The following NUP205 variants were observed in gnomAD, a reference collection of about 807,000 sequenced individuals.
NUP205 encodes nucleoporin 205.
NUP205 carries 76 observed loss-of-function variants against 253.8 expected under a neutral mutation model. That is an observed-to-expected ratio of 0.30 (90% CI 0.25 to 0.36). The LOEUF is 0.36. NUP205 is among the 10% of genes least tolerant of loss of function. The pLI is 1.00. For synonymous variants in NUP205, 832 were observed against 850.1 expected (o/e 0.98, Z 0.37); for missense variants, 2,162 against 2,425.5 (o/e 0.89, Z 2.28).
intron 1 of NUP205, among the ~76,000 whole-genome samples, chr7:135,570,636 A>C (rs935862724): frequency 1.5e-4 from 21 of 137,238 alleles, no homozygotes; most frequent in African/African-American, 5.7e-4. Context: ...ATTGATATTT[A>C]TATAATTAGC....
chr7:135,576,904 CTAT>C (rs1165116730), intron 4 of NUP205, 62 bp from the exon 5 acceptor site: 25 of 1,479,656 alleles, frequency 1.7e-5, no homozygotes, highest in African/African-American at 2.8e-5. Flanking sequence ...TTTGCTATAC[CTAT>C]TATTATGAAG....
At chr7:135,644,141 C>T (rs1032745855) in intron 39 of NUP205, among the ~76,000 whole-genome samples, 2 of 152,210 alleles carry the variant, frequency 1.3e-5, no homozygotes, top group African/African-American at 4.8e-5. Flanking sequence ...GATATTGTTT[C>T]TATTCTCATT....
intron 6 of NUP205, among the ~76,000 whole-genome samples, chr7:135,578,331 A>G (rs1362624540): frequency 1.3e-5 from 2 of 152,186 alleles, no homozygotes; most frequent in African/African-American, 4.8e-5. Flanking sequence ...TACATTTTCA[A>G]ACTTTTTATT....
In NUP205 at chr7:135,622,745, T is replaced by C. The variant is rs980792180; in HGVS notation, c.4331-32T>C. ...ACTCAGTTATTACACTGCTTTTTAC[T>C]GGAGTGTTTTTTTCTGTTTTAATCC... On this transcript the variant is annotated intron_variant, in intron 30 of 42. Transcript: ENST00000285968. 4 of 1,607,018 alleles carry C rather than the reference T, an allele frequency of 2.5e-6. No homozygotes were observed. The African/African-American group carries it at 5.4e-5, about 22-fold the overall frequency.
At chr7:135,607,444 T>A in intron 22 of NUP205, 73 bp downstream of exon 22, 9 of 1,519,516 alleles carry the variant, frequency 5.9e-6, no homozygotes, top group South Asian at 1.2e-5. Context: ...GCCACAGATA[T>A]GACAGTATAA....
chr7:135,628,454 A>G (rs1217841198), intron 34 of NUP205, among the ~76,000 whole-genome samples: 2 of 152,202 alleles, frequency 1.3e-5, no homozygotes, highest in South Asian at 2.1e-4. Flanking sequence ...GGGCTATGCT[A>G]GGCCTTGCAG....
chr7:135,577,327 GATAC>G (rs1291353044), intron 5 of NUP205, among the ~76,000 whole-genome samples, 199 bp downstream of exon 5: 1 of 151,778 alleles, frequency 6.6e-6, no homozygotes, highest in Admixed American at 6.6e-5. Context: ...GTGGTATTTT[GATAC>G]ATATGTATGA....
At chr7:135,593,261 A>G in intron 12 of NUP205, 69 bp downstream of exon 12, 2 of 1,326,894 alleles carry the variant, frequency 1.5e-6, no homozygotes. Flanking sequence ...AGCCCCAAAC[A>G]TTTTCTTTTA....
At position 135,626,297 on chromosome 7, in the gene NUP205, G is replaced by A; in HGVS notation, c.4729G>A (p.Gly1577Arg). The change falls in exon 33 of 43, where the codon GGG becomes AGG. Residue 1577 changes from glycine to arginine, a missense_variant. Transcript: ENST00000285968. ...QQGALELLRS[G>R]VIVRLAQCQV... ...GGGTGCATTAGAGCTGCTAAGATCA[G>A]GGGTGATTGTGAGACTAGCTCAATG... The A allele has an allele frequency of 6.2e-7, 1 of 1,614,152 alleles. No homozygotes were observed. Among genetic ancestry groups the A allele is most frequent in the Non-Finnish European group, 8.5e-7 (1 of 1,180,008 alleles).
intron 17 of NUP205, among the ~76,000 whole-genome samples, chr7:135,601,876 A>T (rs1017312230): frequency 6.6e-6 from 1 of 152,236 alleles, no homozygotes; most frequent in Non-Finnish European, 1.5e-5. Flanking sequence ...AATAAATTTT[A>T]CTTGTTATTA....
Position 135,637,972 on chromosome 7 carries a change from C to T in NUP205, c.5178C>T (p.Asp1726=). 1 of 1,613,972 alleles carries T rather than the reference C, an allele frequency of 6.2e-7. No individual in the cohort carries two copies. Among genetic ancestry groups the T allele is most frequent in the Non-Finnish European group, 8.5e-7 (1 of 1,179,888 alleles). The part of the protein sequence containing the change: ...LGLLSRFGGS[D]RLRQFKFQDD... ...TACTAAGTCGCTTTGGTGGCTCTGACAGACTGCGTCAGTTTAAATTTCAAG... is the reference window on the plus strand; with the variant it reads ...TACTAAGTCGCTTTGGTGGCTCTGATAGACTGCGTCAGTTTAAATTTCAAG... Residue 1726 remains aspartate (D), a synonymous_variant, in exon 37 of 43, where the codon GAC becomes GAT. Coordinates refer to ENST00000285968, the MANE Select transcript of NUP205 (RefSeq NM_015135.3).
At chr7:135,592,542 C>T (rs1380010537) in intron 11 of NUP205, among the ~76,000 whole-genome samples, 1 of 152,156 alleles carries the variant, frequency 6.6e-6, no homozygotes, top group African/African-American at 2.4e-5. Context: ...TTCAGCACAC[C>T]GCTTATGCAG....
intron 16 of NUP205, 79 bp from the exon 17 acceptor site, chr7:135,601,291 C>T (rs1017420988): frequency 7.8e-7 from 1 of 1,286,896 alleles, no homozygotes; most frequent in Non-Finnish European, 1.1e-6. Flanking sequence ...ATTTACAAGT[C>T]TCATACATTT....
chr7:135,632,560 T>C (rs1442144159), intron 35 of NUP205, among the ~76,000 whole-genome samples: 6 of 139,466 alleles, frequency 4.3e-5, no homozygotes, highest in Non-Finnish European at 7.9e-5. Flanking sequence ...CTGAGCCCTC[T>C]GGGTTGAGAG....
Position 135,594,557 on chromosome 7 carries a change from C to A in NUP205, c.1841C>A (p.Ala614Asp). 1 of 1,579,212 alleles carries A rather than the reference C, an allele frequency of 6.3e-7. No homozygotes were observed. The highest frequency in any genetic ancestry group is 8.6e-7 in the Non-Finnish European group (1 of 1,167,920). The change falls in exon 13 of 43, where the codon GCT (alanine) becomes GAT (aspartate). Residue 614 changes from alanine to aspartate, a missense_variant. Coordinates refer to ENST00000285968, the MANE Select transcript of NUP205 (RefSeq NM_015135.3). ...TSTIITWSEN[A>D]RLALCEHPQW... ...TGTGTCAATTCTTAGAGTGAAAATG[C>A]TCGCTTGGCACTCTGTGAACACCCT...
chr7:135,610,006 T>C (rs1794189831), intron 22 of NUP205, among the ~76,000 whole-genome samples: 1 of 152,188 alleles, frequency 6.6e-6, no homozygotes. Context: ...CTGGAGAGCA[T>C]GTGCCTTCCT....
In NUP205 at chr7:135,587,591, A is replaced by G. The variant is rs747106524; in HGVS notation, c.1235A>G (p.Asn412Ser). ...LMPMKVKQLR[N>S]RADEDARMIH... ...ATTTAATAGGTGAAACAGCTGAGGA[A>G]TCGGGCAGATGAAGATGCTCGAATG... The change falls in exon 9 of 43, where the codon AAT becomes AGT. Residue 412 changes from asparagine to serine, a missense_variant. This residue lies in a region of NUP205 where 892 missense variants were observed against 957.1 expected (regional missense o/e 0.93). Coordinates refer to ENST00000285968, the MANE Select transcript of NUP205 (RefSeq NM_015135.3). 11 of 1,601,254 alleles carry G rather than the reference A, an allele frequency of 6.9e-6. No individual in the cohort carries two copies. Among genetic ancestry groups the G allele is most frequent in the Non-Finnish European group, 7.7e-6 (9 of 1,174,040 alleles).
rs557849032 is a variant in NUP205, at chr7:135,617,268, C to G, written c.3690+21C>G. The G allele has an allele frequency of 1.4e-5, 23 of 1,607,768 alleles. No homozygotes were observed. The South Asian group carries it at 2.3e-4, about 16-fold the overall frequency. On this transcript the variant is annotated intron_variant, in intron 26 of 42. Transcript: ENST00000285968. ...TCAAGGTGAGGATTGCTTTAAAGTA[C>G]ATATCTGCAGTGTCAAGTGGCTCAG...
chr7:135,607,498 G>C, intron 22 of NUP205, 127 bp downstream of exon 22: 1 of 1,035,650 alleles, frequency 9.7e-7, no homozygotes, highest in South Asian at 1.9e-5. Flanking sequence ...AATTTGACCT[G>C]TCTTTCATTT....
Sources: gnomAD v4.1 joint callset for allele counts (sites outside exome capture counted in the v4.1 genomes callset) on GRCh38, gnomAD v4.1.1 for gene constraint, gnomAD v4.1.1 regional missense constraint, MANE v1.5 for transcripts, NCBI Gene and HGNC (gene_info 2026-07-23, HGNC 2026-07-21) for gene names.